Variants in NME9 observed in about 807,000 individuals in gnomAD.
The protein encoded by NME9 is NME/NM23 family member 9, also known as thioredoxin domain-containing protein 6.
Under a neutral mutation model 44.4 loss-of-function variants are expected in NME9, and 48 were observed. The observed-to-expected ratio is 1.08, with a 90% CI of 0.86 to 1.37. The LOEUF (loss-of-function observed/expected upper bound fraction) is 1.37. Among genes scored for constraint, NME9 ranks in the 40% most tolerant of loss-of-function variants. The pLI, the probability that NME9 is intolerant of heterozygous loss-of-function variation, is 0.00. For synonymous variants in NME9, 139 were observed against 147.1 expected (o/e 0.94, Z 0.40); for missense variants, 325 against 405.2 (o/e 0.80, Z 1.70).
At chr3:138,308,627 G>A (rs1208073104) in intron 6 of NME9, among the ~76,000 whole-genome samples, 1 of 152,176 alleles carries the variant, frequency 6.6e-6, no homozygotes, top group African/African-American at 2.4e-5. Flanking sequence ...TAAGAACTAA[G>A]GAAATAACAG....
At chr3:138,290,690 G>T (rs376337263) in intron 8 of NME9, 2 of 1,263,776 alleles carry the variant, frequency 1.6e-6, no homozygotes, top group African/African-American at 1.5e-5. Context: ...GGATTCTTTC[G>T]TGAAAGGGTT....
At chr3:138,292,128 C>A (rs571686172) in intron 8 of NME9, among the ~76,000 whole-genome samples, 1 of 152,258 alleles carries the variant, frequency 6.6e-6, no homozygotes, top group East Asian at 1.9e-4. Flanking sequence ...ACCTCTGCCT[C>A]CTGAGTTCAA....
chr3:138,303,033 A>G (rs1397871616), intron 10 of NME9, among the ~76,000 whole-genome samples: 1 of 152,218 alleles, frequency 6.6e-6, no homozygotes, highest in African/African-American at 2.4e-5. Context: ...AACAACGGTC[A>G]TGCATTGAAA....
intron 8 of NME9, among the ~76,000 whole-genome samples, chr3:138,282,867 C>G (rs1057349063): frequency 3.9e-5 from 6 of 152,142 alleles, no homozygotes; most frequent in African/African-American, 1.4e-4. Context: ...CCGCAAGAGA[C>G]TAACCAAAAA....
At chr3:138,273,313 C>G (rs1445015888) in intron 8 of NME9, among the ~76,000 whole-genome samples, 1 of 152,190 alleles carries the variant, frequency 6.6e-6, no homozygotes, top group Non-Finnish European at 1.5e-5. Context: ...CATATCACCC[C>G]CTATTCTCCA....
downstream of NME9, chr3:138,298,121 GA>G (rs969361652): frequency 1.3e-5 from 2 of 152,254 alleles, no homozygotes; most frequent in African/African-American, 4.8e-5. Context: ...AGTCAGCAAG[GA>G]AGTGGGAAGA....
At chr3:138,262,306 T>G in exon 9 of NME9, 1 of 479,088 alleles carries the variant, frequency 2.1e-6, no homozygotes, top group Non-Finnish European at 3.7e-6. Flanking sequence ...GGAATTAGGT[T>G]TGGTCTAGGG....
Position 138,329,393 on chromosome 3 carries a change from C to A in NME9, c.-58G>T, listed in dbSNP as rs1180686272. The A allele has an allele frequency of 2.0e-6, 3 of 1,535,446 alleles. No individual in the cohort carries two copies. Among genetic ancestry groups the A allele is most frequent in the Admixed American group, 3.9e-5 (2 of 50,942 alleles). On this transcript the variant is annotated 5_prime_UTR_variant, in exon 1 of 11. In the 5' UTR this introduces an upstream ATG that the reference lacks. Transcript: ENST00000333911. ...CGGCCGTGGGCCGTTCCCCCGCAGCCTCGCGACAAACCGCTGCGTGGATCA... is the reference window on the plus strand; with the variant it reads ...CGGCCGTGGGCCGTTCCCCCGCAGCATCGCGACAAACCGCTGCGTGGATCA...
chr3:138,278,419 G>A (rs984430248), intron 8 of NME9, among the ~76,000 whole-genome samples: 3 of 151,762 alleles, frequency 2.0e-5, no homozygotes, highest in African/African-American at 7.3e-5. Flanking sequence ...CAGGAGAATC[G>A]CTTGAACCTG....
chr3:138,303,634 A>T lies in NME9; in HGVS notation c.801T>A (p.Ala267=), dbSNP rs1275160752. ...ARREQPESLR[A]QYGTEMPFNA... ...TGAAGGGCATTTCTGTGCCGTACTG[A>T]GCTCGGAGACTGGGAACATTGGCAA... Residue 267 remains alanine (A), a synonymous_variant, in exon 10 of 11, where the codon GCT becomes GCA. Coordinates refer to ENST00000333911, the MANE Select transcript of NME9 (RefSeq NM_001349018.2). 1.9e-6 allele frequency: 3 copies of T among 1,603,948 alleles called. No homozygotes were observed.
intron 2 of NME9, among the ~76,000 whole-genome samples, chr3:138,323,515 G>A (rs367699330): frequency 6.6e-6 from 1 of 152,232 alleles, no homozygotes; most frequent in East Asian, 1.9e-4. Context: ...GTGCTGGAGG[G>A]ATTGAGACAG....
intron 5 of NME9, 91 bp from the exon 6 acceptor site, chr3:138,314,498 A>G: frequency 1.3e-6 from 1 of 787,986 alleles, no homozygotes. Context: ...AAAAAAGCAA[A>G]GCTCCAAAAC....
intron 8 of NME9, among the ~76,000 whole-genome samples, chr3:138,272,116 C>T (rs371503266): frequency 1.3e-5 from 2 of 152,140 alleles, no homozygotes; most frequent in Admixed American, 6.5e-5. Flanking sequence ...ACTAGCCACC[C>T]GGGATTACTG....
intron 6 of NME9, among the ~76,000 whole-genome samples, chr3:138,312,416 C>G (rs571312894): frequency 1.3e-5 from 2 of 152,028 alleles, no homozygotes; most frequent in Non-Finnish European, 2.9e-5. Flanking sequence ...AGCATAAAAA[C>G]AGACACAGAA....
chr3:138,293,239 T>C (rs1389780666), intron 8 of NME9, among the ~76,000 whole-genome samples: 1 of 152,158 alleles, frequency 6.6e-6, no homozygotes, highest in African/African-American at 2.4e-5. Context: ...TACCATCCTG[T>C]AGGCTAAAGA....
intron 6 of NME9, 53 bp from the exon 7 acceptor site, chr3:138,306,533 C>A (rs374965910): frequency 9.1e-7 from 1 of 1,103,976 alleles, no homozygotes; most frequent in Non-Finnish European, 1.3e-6. Flanking sequence ...TCCTGAGAGG[C>A]CATCCACAAA....
chr3:138,302,808 G>T (rs1257581542), intron 10 of NME9, among the ~76,000 whole-genome samples: 1 of 152,132 alleles, frequency 6.6e-6, no homozygotes, highest in African/African-American at 2.4e-5. Context: ...CACATCCTTT[G>T]GGTTTTCCCA....
intron 8 of NME9, chr3:138,263,877 C>T (rs2047996315): frequency 1.3e-5 from 18 of 1,419,154 alleles, no homozygotes; most frequent in Non-Finnish European, 1.6e-5. Flanking sequence ...TAACCTGTTT[C>T]CTTTCTGGTC....
In NME9 at chr3:138,314,401, C is replaced by CT. The variant is rs2052924383; in HGVS notation, c.390dup (p.Asp131ArgfsTer2). On this transcript the variant is annotated frameshift_variant, in exon 6 of 11. Coordinates refer to ENST00000333911, the MANE Select transcript of NME9 (RefSeq NM_001349018.2). LOFTEE classifies it high-confidence loss of function. ...TCATCTTCATCAGAAAGAGCCTCAT[C>CT]TTTAATCTAGTACAAATTGGTCATT... The CT allele has an allele frequency of 1.9e-6, 3 of 1,601,748 alleles. No homozygotes were observed. The highest frequency in any genetic ancestry group is 2.6e-6 in the Non-Finnish European group (3 of 1,170,278).
Sources: allele counts gnomAD v4.1 joint callset (sites outside exome capture counted in the v4.1 genomes callset), GRCh38; gene constraint gnomAD v4.1.1; transcripts MANE v1.5; gene names NCBI Gene and HGNC (gene_info 2026-07-23, HGNC 2026-07-21).